Variants in FDFT1 observed in about 807,000 individuals in gnomAD.
FDFT1 encodes the protein farnesyl-diphosphate farnesyltransferase 1.
FDFT1 carries 68 observed loss-of-function variants against 46.8 expected under a neutral mutation model. The ratio of observed to expected loss-of-function variants is 1.45; its 90% CI spans 1.19 to 1.78. The LOEUF (loss-of-function observed/expected upper bound fraction) is 1.78. Ranked by LOEUF, FDFT1 falls within the 40% of genes most tolerant of loss-of-function variation. FDFT1 has a pLI of 0.00. For missense variants in FDFT1, 928 were observed against 524.4 expected (o/e 1.77, Z -7.52); for synonymous variants, 351 against 185.1 (o/e 1.90, Z -7.28).
intron 3 of FDFT1, among the ~76,000 whole-genome samples, chr8:11,815,377 A>G (rs773145195): frequency 1.3e-5 from 2 of 152,312 alleles, no homozygotes; most frequent in African/African-American, 2.4e-5. Context: ...TCCTTTGGGT[A>G]TATGCCCAGT....
At chr8:11,811,594 A>G (rs1024994254) in intron 3 of FDFT1, among the ~76,000 whole-genome samples, 27 of 152,338 alleles carry the variant, frequency 1.8e-4, no homozygotes, top group East Asian at 5.8e-4. Context: ...CTGTGTTCAT[A>G]CAGTGTTCCA....
intron 2 of FDFT1, chr8:11,809,133 C>T (rs1037289739): frequency 4.5e-6 from 6 of 1,319,894 alleles, no homozygotes; most frequent in Non-Finnish European, 5.8e-6. Context: ...TGTTTATTAA[C>T]TTTTTTTAGT....
At chr8:11,827,336 G>C (rs1294529627) in intron 5 of FDFT1, among the ~76,000 whole-genome samples, 1 of 152,020 alleles carries the variant, frequency 6.6e-6, no homozygotes, top group African/African-American at 2.4e-5. Flanking sequence ...AAAAATTAAA[G>C]AAAGTAGAAA....
chr8:11,809,585 A>T, intron 2 of FDFT1, 82 bp from the exon 3 acceptor site: 1 of 1,410,170 alleles, frequency 7.1e-7, no homozygotes, highest in Non-Finnish European at 9.5e-7. Flanking sequence ...GGGTTTAGAA[A>T]GTGGCCAGGC....
In FDFT1 at chr8:11,838,366, T is replaced by A. The variant is rs746372741; in HGVS notation, c.1033-22T>A. On this transcript the variant is annotated intron_variant, in intron 7 of 7. Coordinates refer to ENST00000220584, the MANE Select transcript of FDFT1 (RefSeq NM_004462.5). Reference sequence around the variant, plus strand: ...AATGTAAAGCACATAGCACTTATCATTTTTTCCTGTGTCTTTAACAGATTT... The same window carrying A: ...AATGTAAAGCACATAGCACTTATCAATTTTTCCTGTGTCTTTAACAGATTT... 1.4e-5 allele frequency: 22 copies of A among 1,592,148 alleles called. No individual in the cohort carries two copies. In the Admixed American group the frequency reaches 3.5e-4, roughly 25 times the overall value.
chr8:11,803,536 C>G (rs1806418072), intron 1 of FDFT1: 14 of 1,180,302 alleles, frequency 1.2e-5, no homozygotes, highest in Non-Finnish European at 1.5e-5. Flanking sequence ...CTTGGTTTTA[C>G]TTAGATTTTT....
At chr8:11,821,442 T>C (rs373718532) in intron 3 of FDFT1, among the ~76,000 whole-genome samples, 1 of 152,092 alleles carries the variant, frequency 6.6e-6, no homozygotes. Flanking sequence ...AATATAAAAA[T>C]TAGCTGGGCG....
chr8:11,800,686 G>A (rs931632874), upstream of FDFT1, among the ~76,000 whole-genome samples: 2 of 152,218 alleles, frequency 1.3e-5, no homozygotes, highest in Non-Finnish European at 2.9e-5. Flanking sequence ...CTAAGAACAT[G>A]AAGTACATTG....
At chr8:11,815,672 T>G (rs1278054100) in intron 3 of FDFT1, among the ~76,000 whole-genome samples, 1 of 152,218 alleles carries the variant, frequency 6.6e-6, no homozygotes, top group East Asian at 1.9e-4. Context: ...ATGTCTTCCT[T>G]TGAGAAGTGT....
chr8:11,807,244 C>T (rs1274197048), intron 1 of FDFT1, among the ~76,000 whole-genome samples: 5 of 152,056 alleles, frequency 3.3e-5, no homozygotes, highest in Admixed American at 3.3e-4. Context: ...CTCAAGCGAT[C>T]CTCCCACCTC....
chr8:11,799,021 A>G (rs551464100), upstream of FDFT1, among the ~76,000 whole-genome samples: 5 of 152,358 alleles, frequency 3.3e-5, no homozygotes, highest in African/African-American at 1.2e-4. Flanking sequence ...CATATTTAAC[A>G]GATTACAAGA....
At chr8:11,806,286 C>T (rs1427349284) in intron 1 of FDFT1, among the ~76,000 whole-genome samples, 2 of 152,150 alleles carry the variant, frequency 1.3e-5, no homozygotes, top group Admixed American at 6.5e-5. Flanking sequence ...GGACAGGCAC[C>T]AGTAGCCTGA....
chr8:11,799,606 T>C (rs1268236500), upstream of FDFT1, among the ~76,000 whole-genome samples: 1 of 152,170 alleles, frequency 6.6e-6, no homozygotes, highest in Non-Finnish European at 1.5e-5. Context: ...GGCTATCTGA[T>C]CTCCTGTCCC....
intron 6 of FDFT1, among the ~76,000 whole-genome samples, chr8:11,831,173 T>C (rs1810726892): frequency 6.6e-6 from 1 of 152,258 alleles, no homozygotes; most frequent in Admixed American, 6.5e-5. Context: ...TCTTCCCATA[T>C]ATTATTTTGA....
At chr8:11,802,675 G>A (rs1231569378), upstream of FDFT1, 10 of 639,432 alleles carry the variant, frequency 1.6e-5, no homozygotes, top group South Asian at 1.5e-4. Context: ...GAGGCCGGTT[G>A]AAGTGGGCGG....
chr8:11,809,595 C>T, intron 2 of FDFT1, 72 bp from the exon 3 acceptor site: 2 of 1,451,932 alleles, frequency 1.4e-6, no homozygotes, highest in Non-Finnish European at 1.8e-6. Context: ...AGTGGCCAGG[C>T]ACAAGTTATT....
chr8:11,833,524 C>T (rs1811142377), intron 7 of FDFT1, among the ~76,000 whole-genome samples: 2 of 152,282 alleles, frequency 1.3e-5, no homozygotes, highest in South Asian at 2.1e-4. Context: ...CACTTTGTGG[C>T]CAATTCCATT....
chr8:11,799,873 G>T (rs1430924682), upstream of FDFT1, among the ~76,000 whole-genome samples: 1 of 147,216 alleles, frequency 6.8e-6, no homozygotes, highest in Non-Finnish European at 1.5e-5. Context: ...TTGAACCTGG[G>T]AGCCAGAGGT....
intron 4 of FDFT1, among the ~76,000 whole-genome samples, chr8:11,823,375 T>A (rs766301569): frequency 3.9e-5 from 6 of 152,226 alleles, no homozygotes; most frequent in African/African-American, 1.2e-4. Flanking sequence ...ACTATAGATA[T>A]ACTAATTTTT....
Sources: gnomAD v4.1 joint callset for allele counts (sites outside exome capture counted in the v4.1 genomes callset) on GRCh38, gnomAD v4.1.1 for gene constraint, MANE v1.5 for transcripts, NCBI Gene and HGNC (gene_info 2026-07-23, HGNC 2026-07-21) for gene names.